The following MAMDC2 variants were observed in gnomAD, a reference collection of about 807,000 sequenced individuals.
The protein encoded by MAMDC2 is MAM domain-containing protein 2.
Under a neutral mutation model 89.8 loss-of-function variants are expected in MAMDC2, and 57 were observed. The ratio of observed to expected loss-of-function variants is 0.63; its 90% CI spans 0.51 to 0.79. The LOEUF is 0.79. Ranked by LOEUF, MAMDC2 falls within the 30% of genes least tolerant of loss-of-function variation. The pLI, the probability that MAMDC2 is intolerant of heterozygous loss-of-function variation, is 0.00. For missense variants in MAMDC2, 800 were observed against 820.6 expected (o/e 0.97, Z 0.31); for synonymous variants, 313 against 293.4 (o/e 1.07, Z -0.68).
intron 9 of MAMDC2, chr9:70,157,611 A>G (rs531498388): frequency 6.5e-6 from 1 of 152,736 alleles, no homozygotes; most frequent in Non-Finnish European, 1.5e-5. Context: ...TTTGTTTAGT[A>G]TCAGGTTACA....
At chr9:70,127,295 C>T (rs1004153008) in intron 6 of MAMDC2, among the ~76,000 whole-genome samples, 1 of 152,152 alleles carries the variant, frequency 6.6e-6, no homozygotes, top group Non-Finnish European at 1.5e-5. Flanking sequence ...AACTCCGTAA[C>T]TAAGTTCGTG....
intron 12 of MAMDC2, among the ~76,000 whole-genome samples, chr9:70,223,220 A>ATTTT (rs2033597996): frequency 6.6e-6 from 1 of 151,922 alleles, no homozygotes; most frequent in Non-Finnish European, 1.5e-5. Context: ...TTGGTGCCGC[A>ATTTT]ATACCAGAAG....
At chr9:70,073,678 A>ATGTT (rs1827462280) in intron 2 of MAMDC2, among the ~76,000 whole-genome samples, 1 of 152,224 alleles carries the variant, frequency 6.6e-6, no homozygotes, top group Non-Finnish European at 1.5e-5. Context: ...TCAAATAGTG[A>ATGTT]TCAAGTAAAA....
chr9:70,218,380 A>G lies in MAMDC2; in HGVS notation c.1695A>G (p.Gln565=). ...AGGCCTCCCATATGGTGTATGGACA[A>G]AAAGCACGCCTCTTGTCCAGGCCTC... The part of the protein sequence containing the change: ...YIEASHMVYG[Q]KARLLSRPLR... The change falls in exon 12 of 14, where the codon CAA becomes CAG. Residue 565 remains glutamine (Q), a synonymous_variant. Transcript: ENST00000377182. 6.2e-7 allele frequency: 1 copy of G among 1,614,206 alleles called. No homozygotes were observed. The highest frequency in any genetic ancestry group is 1.3e-5 in the African/African-American group (1 of 75,062).
chr9:70,216,487 G>A (rs1424866074), intron 11 of MAMDC2: 2 of 152,182 alleles, frequency 1.3e-5, no homozygotes, highest in Non-Finnish European at 2.9e-5. Flanking sequence ...GTCATCAGGA[G>A]GGCTTCAGCC....
intron 11 of MAMDC2, among the ~76,000 whole-genome samples, chr9:70,204,136 G>A (rs1313232620): frequency 8.6e-5 from 13 of 151,646 alleles, no homozygotes; most frequent in Admixed American, 6.6e-4. Flanking sequence ...GACGCTCTGC[G>A]TTTTAGAGTT....
intron 11 of MAMDC2, among the ~76,000 whole-genome samples, chr9:70,199,773 GT>G (rs2033058019): frequency 6.9e-6 from 1 of 144,116 alleles, no homozygotes. Flanking sequence ...TCTCATTGTG[GT>G]TTTGATTTGC....
intron 2 of MAMDC2, among the ~76,000 whole-genome samples, chr9:70,105,558 A>G (rs991196292): frequency 5.3e-5 from 8 of 152,210 alleles, no homozygotes; most frequent in African/African-American, 1.9e-4. Flanking sequence ...GTGACCTAAA[A>G]ACAAATATGA....
At position 70,226,077 on chromosome 9, in the gene MAMDC2, T is replaced by G; in HGVS notation, c.*45T>G. On this transcript the variant is annotated 3_prime_UTR_variant, in exon 14 of 14. Transcript: ENST00000377182. ...TTACTAGACGAAAACCATACCTCTC[T>G]TCAATCAAAATGAAAACAAAGCAAA... The G allele has an allele frequency of 8.8e-7, 1 of 1,134,090 alleles. No homozygotes were observed. Among genetic ancestry groups the G allele is most frequent in the African/African-American group, 1.6e-5 (1 of 63,494 alleles). 70.3% of individuals were successfully genotyped at this position (1,134,090 alleles called of 1,614,324 possible).
At chr9:70,053,226 C>T (rs1826952199) in intron 2 of MAMDC2, among the ~76,000 whole-genome samples, 1 of 152,124 alleles carries the variant, frequency 6.6e-6, no homozygotes, top group Non-Finnish European at 1.5e-5. Flanking sequence ...GTCAGATCTT[C>T]CAGGATATTT....
Position 70,206,891 on chromosome 9 carries a change from G to T in MAMDC2, c.1652-11446G>T, listed in dbSNP as rs185137673. Among the ~76,000 whole-genome samples the T allele has an allele frequency of 3.9e-3, 597 of 152,130 alleles. 3 individuals carry two copies. Among genetic ancestry groups the T allele is most frequent in the African/African-American group, 0.013 (553 of 41,482 alleles). On this transcript the variant is annotated intron_variant, in intron 11 of 13. Coordinates refer to ENST00000377182, the MANE Select transcript of MAMDC2 (RefSeq NM_153267.5). Reference sequence around the variant, plus strand: ...GAGAACATGCAGTGTTTGGTTTTCTGTCCTTGTGATAGTTTGCTGAGAATG... The same window carrying T: ...GAGAACATGCAGTGTTTGGTTTTCTTTCCTTGTGATAGTTTGCTGAGAATG...
chr9:70,113,008 A>C lies in MAMDC2; in HGVS notation c.519A>C (p.Glu173Asp). 6.2e-7 allele frequency: 1 copy of C among 1,614,134 alleles called. No individual in the cohort carries two copies. Among genetic ancestry groups the C allele is most frequent in the Non-Finnish European group, 8.5e-7 (1 of 1,179,994 alleles). The change falls in exon 5 of 14, where the codon GAA becomes GAC. Residue 173 changes from glutamate (E) to aspartate (D), a missense_variant. Coordinates refer to ENST00000377182, the MANE Select transcript of MAMDC2 (RefSeq NM_153267.5). ...TCCCTTCCCCAGAATGTGACTTTGA[A>C]GAAAATCATCTCTGTGGCTTTGTGA... ...TTGYCIECDF[E>D]ENHLCGFVNR...
At chr9:70,221,356 A>AATATATACATATATAT (rs2033551530) in intron 12 of MAMDC2, among the ~76,000 whole-genome samples, 1 of 9,422 alleles carries the variant, frequency 1.1e-4, no homozygotes, top group African/African-American at 3.0e-4. Flanking sequence ...CCAAACAACA[A>AATATATACATATATAT]ATATATATAT....
chr9:70,187,233 C>T (rs994653643), intron 11 of MAMDC2, among the ~76,000 whole-genome samples: 2 of 152,044 alleles, frequency 1.3e-5, no homozygotes, highest in African/African-American at 4.8e-5. Context: ...ATTAAAAGTT[C>T]TTACTATGTA....
Position 70,108,233 on chromosome 9 carries a change from C to T in MAMDC2, c.171C>T (p.Thr57=). 6.2e-7 allele frequency: 1 copy of T among 1,605,322 alleles called. No homozygotes were observed. Among genetic ancestry groups the T allele is most frequent in the Non-Finnish European group, 8.5e-7 (1 of 1,176,182 alleles). Residue 57 remains threonine, a synonymous_variant, in exon 3 of 14, where the codon ACC becomes ACT. Coordinates refer to ENST00000377182, the MANE Select transcript of MAMDC2 (RefSeq NM_153267.5). ...CAGGCCATTACATTTATGTGGATACCTCCTTTGGCAAGCAGGGGGAGAAAG... is the reference window on the plus strand; with the variant it reads ...CAGGCCATTACATTTATGTGGATACTTCCTTTGGCAAGCAGGGGGAGAAAG... ...NEEGHYIYVD[T]SFGKQGEKAV... is the part of the protein sequence containing the mutation.
chr9:70,096,475 T>C (rs1828031074), intron 2 of MAMDC2, among the ~76,000 whole-genome samples: 1 of 152,180 alleles, frequency 6.6e-6, no homozygotes, highest in African/African-American at 2.4e-5. Flanking sequence ...AAAAGAAACC[T>C]ACTAGCTGAG....
At chr9:70,116,773 C>A (rs2030015640) in intron 5 of MAMDC2, among the ~76,000 whole-genome samples, 1 of 151,542 alleles carries the variant, frequency 6.6e-6, no homozygotes, top group Non-Finnish European at 1.5e-5. Context: ...AATGTCTTGA[C>A]CAGAAGGGTC....
intron 2 of MAMDC2, among the ~76,000 whole-genome samples, chr9:70,063,604 G>C (rs912874069): frequency 2.6e-5 from 4 of 152,142 alleles, no homozygotes; most frequent in Admixed American, 6.5e-5. Context: ...TGAAAATAAT[G>C]TTAATTTATC....
chr9:70,199,850 T>C (rs2033060856), intron 11 of MAMDC2, among the ~76,000 whole-genome samples: 1 of 150,652 alleles, frequency 6.6e-6, no homozygotes, highest in African/African-American at 2.4e-5. Context: ...AAATGTCTTC[T>C]TTTGAGAAGT....
Sources: allele counts gnomAD v4.1 joint callset (sites outside exome capture counted in the v4.1 genomes callset), GRCh38; gene constraint gnomAD v4.1.1; transcripts MANE v1.5; gene names NCBI Gene and HGNC (gene_info 2026-07-23, HGNC 2026-07-21).